Variants in PHTF2 observed in about 807,000 individuals in gnomAD.
The protein encoded by PHTF2 is putative homeodomain transcription factor 2.
PHTF2 carries 60 observed loss-of-function variants against 101.2 expected under a neutral mutation model. That is an observed-to-expected ratio of 0.59 (90% CI 0.48 to 0.73). The LOEUF is 0.73. Among genes scored for constraint, PHTF2 ranks in the 30% least tolerant of loss-of-function variants. The pLI, the probability that PHTF2 is intolerant of heterozygous loss-of-function variation, is 0.00. For missense variants in PHTF2, 747 were observed against 908.7 expected, an observed-to-expected ratio of 0.82 and a Z score of 2.29; for synonymous variants, 311 against 307.3, an observed-to-expected ratio of 1.01 and a Z score of -0.13.
rs572560397 is a variant in PHTF2 at position 77,953,526 on chromosome 7, A to G, written c.2212-243A>G. On this transcript the variant is annotated intron_variant, in intron 18 of 19. Transcript: ENST00000416283. ...GCCTCTTTATAATAGCTTAAGGGAC[A>G]GAAATTGGAGTTACATATTTAGTCA... 2.0e-5 allele frequency among the ~76,000 whole-genome samples: 3 copies of G among 152,346 alleles called. No individual in the cohort carries two copies. The East Asian group carries it at 5.8e-4, about 29-fold the overall frequency.
chr7:77,849,392 C>T (rs1035814952), intron 2 of PHTF2, among the ~76,000 whole-genome samples: 2 of 152,072 alleles, frequency 1.3e-5, no homozygotes, highest in Non-Finnish European at 2.9e-5. Context: ...CTCACCTCGG[C>T]CTCCTAAGTT....
At position 77,943,085 on chromosome 7, in the gene PHTF2, A is replaced by G. The variant is rs143178538; in HGVS notation, c.1959+299A>G. On this transcript the variant is annotated intron_variant, in intron 16 of 19. Coordinates refer to ENST00000416283, the Ensembl canonical transcript of PHTF2. The stretch of plus-strand genomic sequence containing the variant: ...TGAGTTATGAAATTGTCCCATGAAT[A>G]TCCAATTTATTCATGTTTACTATTC... Among the ~76,000 whole-genome samples, 189 of 151,610 alleles carry G rather than the reference A, an allele frequency of 1.2e-3. 2 individuals are homozygous for G. The highest frequency in any genetic ancestry group is 4.4e-3 in the African/African-American group (182 of 41,538).
At chr7:77,940,968 A>G (rs1805592961) in intron 15 of PHTF2, among the ~76,000 whole-genome samples, 1 of 152,200 alleles carries the variant, frequency 6.6e-6, no homozygotes, top group African/African-American at 2.4e-5. Context: ...TAATCTTTTG[A>G]GTAATTTTCC....
chr7:77,816,215 C>T (rs1793842470), intron 1 of PHTF2, among the ~76,000 whole-genome samples: 1 of 152,088 alleles, frequency 6.6e-6, no homozygotes, highest in Non-Finnish European at 1.5e-5. Flanking sequence ...GCTGGGATTA[C>T]AGGTGCGTAC....
At chr7:77,814,946 G>A (rs539536747) in intron 1 of PHTF2, among the ~76,000 whole-genome samples, 9 of 152,120 alleles carry the variant, frequency 5.9e-5, no homozygotes, top group South Asian at 2.1e-4. Context: ...ACTTGGTGGC[G>A]TGCACCTGTC....
intron 3 of PHTF2, among the ~76,000 whole-genome samples, chr7:77,878,638 A>G (rs1799145538): frequency 6.6e-6 from 1 of 152,164 alleles, no homozygotes; most frequent in Non-Finnish European, 1.5e-5. Flanking sequence ...AATTCCTTCC[A>G]AAGTTAGCTT....
At chr7:77,902,217 A>G (rs1801461494) in intron 7 of PHTF2, among the ~76,000 whole-genome samples, 1 of 152,214 alleles carries the variant, frequency 6.6e-6, no homozygotes. Flanking sequence ...CATACATACC[A>G]GTCTTTTAAA....
chr7:77,944,016 TAAA>T (rs1013566641), intron 16 of PHTF2, among the ~76,000 whole-genome samples: 3 of 144,142 alleles, frequency 2.1e-5, no homozygotes, highest in African/African-American at 7.7e-5. Context: ...AACAAACAAA[TAAA>T]AAAAAAAATC....
chr7:77,919,803 A>G (rs944983934), intron 9 of PHTF2, among the ~76,000 whole-genome samples: 4 of 151,932 alleles, frequency 2.6e-5, no homozygotes, highest in Admixed American at 1.3e-4. Flanking sequence ...TCGTTTTTTT[A>G]TATCTTTTTA....
At chr7:77,933,920 G>T (rs1804850010) in intron 12 of PHTF2, among the ~76,000 whole-genome samples, 1 of 152,068 alleles carries the variant, frequency 6.6e-6, no homozygotes, top group African/African-American at 2.4e-5. Flanking sequence ...TACCTTTTTG[G>T]TAAGATAAAA....
intron 9 of PHTF2, among the ~76,000 whole-genome samples, chr7:77,915,488 G>A (rs894464022): frequency 6.6e-6 from 1 of 152,154 alleles, no homozygotes; most frequent in African/African-American, 2.4e-5. Flanking sequence ...TAGGATTACA[G>A]GCATGAGCCA....
At chr7:77,927,576 C>T (rs941658277) in intron 11 of PHTF2, among the ~76,000 whole-genome samples, 15 of 151,650 alleles carry the variant, frequency 9.9e-5, no homozygotes, top group African/African-American at 2.7e-4. Flanking sequence ...CCAGCCTGGG[C>T]GACAGAGTGA....
At chr7:77,947,834 TTTC>T (rs1344977475) in intron 16 of PHTF2, among the ~76,000 whole-genome samples, 3 of 101,762 alleles carry the variant, frequency 2.9e-5, no homozygotes, top group African/African-American at 1.3e-4. Context: ...TTCTTTTTTC[TTTC>T]TTTTTTTTTT....
intron 9 of PHTF2, among the ~76,000 whole-genome samples, chr7:77,911,065 A>T (rs1584682334): frequency 6.6e-6 from 1 of 152,218 alleles, no homozygotes; most frequent in African/African-American, 2.4e-5. Context: ...TGCCTCAATT[A>T]TCCAAAATTA....
At chr7:77,841,225 A>G (rs1349397135) in intron 2 of PHTF2, among the ~76,000 whole-genome samples, 1 of 151,356 alleles carries the variant, frequency 6.6e-6, no homozygotes, top group Non-Finnish European at 1.5e-5. Context: ...GATTACAGGC[A>G]TATGCTACCA....
chr7:77,881,065 T>C (rs1246608700), intron 3 of PHTF2, among the ~76,000 whole-genome samples: 1 of 152,164 alleles, frequency 6.6e-6, no homozygotes, highest in Non-Finnish European at 1.5e-5. Flanking sequence ...CCTTTTTTAT[T>C]GTCCCCATTC....
intron 16 of PHTF2, among the ~76,000 whole-genome samples, chr7:77,943,730 C>T (rs1264366960): frequency 3.3e-5 from 5 of 152,104 alleles, no homozygotes; most frequent in Non-Finnish European, 7.4e-5. Flanking sequence ...TTTAAAACAT[C>T]AAACAGGCCG....
intron 1 of PHTF2, among the ~76,000 whole-genome samples, chr7:77,826,304 G>A (rs550782789): frequency 1.2e-4 from 18 of 152,280 alleles, no homozygotes; most frequent in Middle Eastern, 3.4e-3. Context: ...AAGTTTTGAC[G>A]GTAGGAAGTT....
intron 3 of PHTF2, among the ~76,000 whole-genome samples, chr7:77,893,202 C>CT (rs1421785076): frequency 6.6e-6 from 1 of 152,104 alleles, no homozygotes; most frequent in Non-Finnish European, 1.5e-5. Flanking sequence ...CACCTGGGTA[C>CT]TAAGCATAGT....
Sources: gnomAD v4.1 joint callset for allele counts (sites outside exome capture counted in the v4.1 genomes callset) on GRCh38, gnomAD v4.1.1 for gene constraint, MANE v1.5 for transcripts, NCBI Gene and HGNC (gene_info 2026-07-23, HGNC 2026-07-21) for gene names.